Variants in LRP4 observed in about 807,000 individuals in gnomAD.
LRP4 encodes low-density lipoprotein receptor-related protein 4.
A neutral mutation model predicts 220.3 loss-of-function variants in LRP4; 95 were observed. That is an observed-to-expected ratio of 0.43 (90% CI 0.37 to 0.51). The LOEUF (loss-of-function observed/expected upper bound fraction) is 0.51, where lower values mean the gene tolerates loss of function less well. Ranked by LOEUF, LRP4 falls within the 20% of genes least tolerant of loss-of-function variation. The pLI is 0.00. For synonymous variants in LRP4, 903 were observed against 954.6 expected, an observed-to-expected ratio of 0.95 and a Z score of 1.00; for missense variants, 1,925 against 2,567.0, an observed-to-expected ratio of 0.75 and a Z score of 5.40.
intron 10 of LRP4, 126 bp from the exon 11 acceptor site, chr11:46,895,417 A>G: frequency 7.3e-7 from 1 of 1,369,224 alleles, no homozygotes; most frequent in Non-Finnish European, 1.0e-6. Context: ...AAGGCTGTCT[A>G]AGAAATGGTT....
Position 46,886,351 on chromosome 11 carries a change from C to A in LRP4, c.2398G>T (p.Ala800Ser), listed in dbSNP as rs1941292259. 6.3e-7 allele frequency: 1 copy of A among 1,591,332 alleles called. No homozygotes were observed. Among genetic ancestry groups the A allele is most frequent in the African/African-American group, 1.3e-5 (1 of 74,550 alleles). ...TCCTGTCCTGTTCCATCCCACTTGGCCCTGCTGATGGTATCAGTGCTGACA... is the reference window on the plus strand; with the variant it reads ...TCCTGTCCTGTTCCATCCCACTTGGACCTGCTGATGGTATCAGTGCTGACA... The part of the protein sequence containing the change: ...TDVSTDTISR[A>S]KWDGTGQEVV... The change falls in exon 17 of 38, where the codon GCC becomes TCC. Residue 800 changes from alanine to serine, a missense_variant. Physicochemically the swap from Ala to Ser is moderately conservative, Grantham distance 99. Transcript: ENST00000378623.
At chr11:46,868,777 T>C (rs886147749) in intron 32 of LRP4, 64 bp from the exon 33 acceptor site, 3 of 1,370,004 alleles carry the variant, frequency 2.2e-6, no homozygotes, top group Non-Finnish European at 2.1e-6. Flanking sequence ...TTAAGGCTTC[T>C]CAAAAACAGA....
chr11:46,863,896 G>C (rs1940625609), intron 36 of LRP4, among the ~76,000 whole-genome samples: 1 of 152,112 alleles, frequency 6.6e-6, no homozygotes, highest in Non-Finnish European at 1.5e-5. Context: ...CTGTTACGAT[G>C]ATGATGATGA....
At chr11:46,897,758 C>T (rs1217780584) in intron 7 of LRP4, among the ~76,000 whole-genome samples, 11 of 152,244 alleles carry the variant, frequency 7.2e-5, no homozygotes, top group Non-Finnish European at 1.6e-4. Context: ...AATGAAAAGT[C>T]TCCCATGTAT....
chr11:46,862,012 G>C (rs1329782244), intron 37 of LRP4, among the ~76,000 whole-genome samples: 1 of 142,014 alleles, frequency 7.0e-6, no homozygotes, highest in Non-Finnish European at 1.5e-5. Context: ...AGGTTGCAGT[G>C]AGCTGAGATC....
At chr11:46,888,823 C>T (rs1941358262) in intron 16 of LRP4, among the ~76,000 whole-genome samples, 1 of 152,114 alleles carries the variant, frequency 6.6e-6, no homozygotes, top group South Asian at 2.1e-4. Context: ...CCTCTCTGGA[C>T]TATTCTTAGA....
In LRP4 at chr11:46,870,247, C is replaced by T. The variant is rs1259150291; in HGVS notation, c.4693-1115G>A. Among the ~76,000 whole-genome samples, 2 of 151,832 alleles carry T rather than the reference C, an allele frequency of 1.3e-5. 1 individual carries two copies. The highest frequency in any genetic ancestry group is 4.2e-4 in the South Asian group (2 of 4,806). ...TCACACCACCGCACTCCAGCCTGGGCGACACAGCAAGACTCCATCTTAAAA... is the reference window on the plus strand; with the variant it reads ...TCACACCACCGCACTCCAGCCTGGGTGACACAGCAAGACTCCATCTTAAAA... On this transcript the variant is annotated intron_variant, in intron 31 of 37. Coordinates refer to ENST00000378623, the MANE Select transcript of LRP4 (RefSeq NM_002334.4).
rs781743323 is a variant in LRP4, at chr11:46,878,992, A to G, written c.3051T>C (p.Cys1017=). 1 of 1,614,222 alleles carries G rather than the reference A, an allele frequency of 6.2e-7. No homozygotes were observed. The highest frequency in any genetic ancestry group is 1.7e-5 in the Admixed American group (1 of 60,026). Residue 1017 remains cysteine (C), a synonymous_variant, in exon 22 of 38, where the codon TGT becomes TGC. Transcript: ENST00000378623. ...AMENGGCSHL[C]LRSPNPSGFS... ...ATCCGCTTGGATTTGGGGACCTAAG[A>G]CACAGGTGGCTACAGCCGCCATTCT...
intron 37 of LRP4, among the ~76,000 whole-genome samples, chr11:46,862,319 CTA>C (rs1002090059): frequency 2.6e-5 from 4 of 152,114 alleles, no homozygotes; most frequent in Admixed American, 2.6e-4. Context: ...GGGAAAGAAC[CTA>C]TAAGCTTGGA....
intron 10 of LRP4, 36 bp from the exon 11 acceptor site, chr11:46,895,327 T>G (rs2080597231): frequency 1.2e-6 from 2 of 1,608,036 alleles, no homozygotes; most frequent in African/African-American, 2.7e-5. Context: ...ATCTCCCTTC[T>G]GTCGTCCTCC....
chr11:46,915,009 A>G (rs887709429), intron 1 of LRP4, among the ~76,000 whole-genome samples: 2 of 152,290 alleles, frequency 1.3e-5, no homozygotes, highest in Middle Eastern at 3.4e-3. Flanking sequence ...GACATACCCA[A>G]CGTGCTCTGT....
chr11:46,894,745 G>C lies in LRP4; in HGVS notation c.1384C>G (p.Leu462Val). ...QVLPHRSEYT[L>V]LLNNLENAIA... is the part of the protein sequence containing the mutation. ...GCATTCTCCAGGTTGTTAAGCAGCAGTGTGTACTCAGAGCGGTGTGGCAGC... is the reference window on the plus strand; with the variant it reads ...GCATTCTCCAGGTTGTTAAGCAGCACTGTGTACTCAGAGCGGTGTGGCAGC... The change falls in exon 12 of 38, where the codon CTG (leucine) becomes GTG (valine). Residue 462 changes from leucine to valine, a missense_variant. Coordinates refer to ENST00000378623, the MANE Select transcript of LRP4 (RefSeq NM_002334.4). The C allele has an allele frequency of 1.2e-6, 2 of 1,614,264 alleles. No individual in the cohort carries two copies. The highest frequency in any genetic ancestry group is 8.5e-7 in the Non-Finnish European group (1 of 1,180,050).
At chr11:46,865,753 A>G (rs1416391025) in intron 34 of LRP4, among the ~76,000 whole-genome samples, 1 of 152,256 alleles carries the variant, frequency 6.6e-6, no homozygotes, top group Non-Finnish European at 1.5e-5. Context: ...GCTACTTGCA[A>G]GAGCATTTGG....
chr11:46,894,544 C>T (rs1941483996), intron 12 of LRP4, 45 bp downstream of exon 12: 2 of 1,447,060 alleles, frequency 1.4e-6, no homozygotes, highest in South Asian at 1.2e-5. Flanking sequence ...CGTTGCTGCG[C>T]ATGTGGCATG....
Position 46,896,966 on chromosome 11 carries a change from G to T in LRP4, c.825C>A (p.Phe275Leu), listed in dbSNP as rs772586265. 5 of 1,614,092 alleles carry T rather than the reference G, an allele frequency of 3.1e-6. No homozygotes were observed. The highest frequency in any genetic ancestry group is 3.4e-6 in the Non-Finnish European group (4 of 1,180,038). ...CTTSMCTAEQ[F>L]RCHSGRCVRL... ...GGACACAGCGGCCTGAGTGACAGCG[G>T]AACTGTTCTGCCGTACACATGGAGG... Residue 275 changes from phenylalanine to leucine, a missense_variant, in exon 8 of 38, where the codon TTC becomes TTA. Phe to Leu is a conservative substitution (Grantham distance 22). This residue lies in a region of LRP4 where 412 missense variants were observed against 505.4 expected (regional missense o/e 0.82). Transcript: ENST00000378623.
intron 34 of LRP4, 115 bp downstream of exon 34, chr11:46,867,864 G>T: frequency 1.6e-6 from 2 of 1,238,268 alleles, no homozygotes; most frequent in Non-Finnish European, 2.3e-6. Flanking sequence ...AACAGGGACT[G>T]GTAGCTCCTG....
intron 12 of LRP4, 129 bp from the exon 13 acceptor site, chr11:46,893,258 T>C: frequency 1.2e-6 from 1 of 844,390 alleles, no homozygotes; most frequent in South Asian, 1.4e-5. Flanking sequence ...TTCAGATACA[T>C]GAATTCATTT....
At chr11:46,892,790 G>A (rs1036442631) in intron 13 of LRP4, among the ~76,000 whole-genome samples, 183 bp downstream of exon 13, 2 of 152,102 alleles carry the variant, frequency 1.3e-5, no homozygotes, top group African/African-American at 4.8e-5. Flanking sequence ...GGCTGGTCTC[G>A]AATTACTGAC....
chr11:46,882,319 C>CA (rs113917466), intron 19 of LRP4, among the ~76,000 whole-genome samples: 4 of 147,316 alleles, frequency 2.7e-5, no homozygotes, highest in East Asian at 2.0e-4. Flanking sequence ...CCATCTCTAC[C>CA]AAAAAAAAAG....
Sources: gnomAD v4.1 joint callset for allele counts (sites outside exome capture counted in the v4.1 genomes callset) on GRCh38, gnomAD v4.1.1 for gene constraint, gnomAD v4.1.1 regional missense constraint, MANE v1.5 for transcripts, NCBI Gene and HGNC (gene_info 2026-07-23, HGNC 2026-07-21) for gene names.